The following UTP20 variants were observed in gnomAD, a reference collection of about 807,000 sequenced individuals.
The protein encoded by UTP20 is UTP20 small subunit processome component, also known as small subunit processome component 20 homolog.
Under a neutral mutation model 329.5 loss-of-function variants are expected in UTP20, and 164 were observed. The observed-to-expected ratio is 0.50, with a 90% confidence interval of 0.44 to 0.57. UTP20 has a LOEUF of 0.57. UTP20 is among the 20% of genes least tolerant of loss of function. The pLI is 0.00. For synonymous variants in UTP20, 1,151 were observed against 1,159.3 expected (o/e 0.99, Z 0.14); for missense variants, 3,055 against 3,284.2 (o/e 0.93, Z 1.71).
chr12:101,343,133 G>A, intron 35 of UTP20, 40 bp downstream of exon 35: 3 of 1,469,356 alleles, frequency 2.0e-6, no homozygotes, highest in Non-Finnish European at 2.8e-6. Context: ...ATTTTTTATT[G>A]TTTTGGTAAT....
intron 39 of UTP20, among the ~76,000 whole-genome samples, chr12:101,352,828 T>TA (rs1555201579): frequency 6.7e-6 from 1 of 150,362 alleles, no homozygotes; most frequent in South Asian, 2.1e-4. Flanking sequence ...TAAATAAATT[T>TA]AAAAAAAAGT....
intron 39 of UTP20, 39 bp from the exon 40 acceptor site, chr12:101,353,008 A>G: frequency 7.7e-7 from 1 of 1,290,634 alleles, no homozygotes; most frequent in Non-Finnish European, 1.1e-6. Context: ...TGATATTAAT[A>G]ATCAAATGAA....
At chr12:101,328,022 A>C (rs1868627613) in intron 26 of UTP20, among the ~76,000 whole-genome samples, 2 of 152,198 alleles carry the variant, frequency 1.3e-5, no homozygotes. Flanking sequence ...TTGGGATTCA[A>C]ACTCAGACCT....
In UTP20 at chr12:101,344,683, A is replaced by C; in HGVS notation, c.4538A>C (p.Asp1513Ala). The C allele has an allele frequency of 3.1e-6, 5 of 1,610,290 alleles. No individual in the cohort carries two copies. The highest frequency in any genetic ancestry group is 4.2e-6 in the Non-Finnish European group (5 of 1,176,500). The change falls in exon 36 of 62, where the codon GAC becomes GCC. Residue 1513 changes from aspartate to alanine, a missense_variant. This residue lies in a region of UTP20 where 2,445 missense variants were observed against 2,575.5 expected (regional missense o/e 0.95). Coordinates refer to ENST00000261637, the MANE Select transcript of UTP20 (RefSeq NM_014503.3). ...GCTGCCTTGAATGTCACAGAGAAAG[A>C]CTATAGAGAAATCATCCACCGTTCA... is the stretch of plus-strand genomic sequence containing the variant. Reference protein sequence around the residue: ...KLAALNVTEKDYREIIHRSLL... With the variant: ...KLAALNVTEKAYREIIHRSLL...
chr12:101,314,064 G>A (rs12314440), intron 21 of UTP20, among the ~76,000 whole-genome samples: 2,963 of 152,260 alleles, frequency 0.019, 105 homozygotes, highest in African/African-American at 0.069. Flanking sequence ...GTCATCTAGA[G>A]TGTGACTGTA....
intron 31 of UTP20, among the ~76,000 whole-genome samples, chr12:101,339,809 A>G (rs1282451122): frequency 6.6e-6 from 1 of 152,248 alleles, no homozygotes; most frequent in Non-Finnish European, 1.5e-5. Context: ...TACAAGGCTT[A>G]GTTGTTGAAA....
intron 27 of UTP20, among the ~76,000 whole-genome samples, chr12:101,332,205 T>G (rs1868781534): frequency 6.6e-6 from 1 of 151,948 alleles, no homozygotes; most frequent in African/African-American, 2.4e-5. Context: ...GGCGTGGTGG[T>G]GCATGCCTGT....
chr12:101,339,670 A>G (rs2137275534), intron 31 of UTP20, among the ~76,000 whole-genome samples: 1 of 152,292 alleles, frequency 6.6e-6, no homozygotes, highest in Middle Eastern at 3.4e-3. Flanking sequence ...TTTTGAGTCA[A>G]GATCTCACAA....
chr12:101,348,340 CTTT>C (rs1300436069), intron 38 of UTP20, among the ~76,000 whole-genome samples: 2 of 151,756 alleles, frequency 1.3e-5, no homozygotes. Context: ...CAATTTTTTT[CTTT>C]TTTTCTCTTT....
chr12:101,299,188 A>G (rs6538980), intron 12 of UTP20, among the ~76,000 whole-genome samples: 88,367 of 152,046 alleles, frequency 0.58, 28,304 homozygotes, highest in East Asian at 0.94. Context: ...TGTCATGTCG[A>G]AAAATGTCAT....
intron 29 of UTP20, among the ~76,000 whole-genome samples, chr12:101,337,767 G>A (rs1469906479): frequency 6.6e-6 from 1 of 152,012 alleles, no homozygotes; most frequent in Non-Finnish European, 1.5e-5. Context: ...CAGTGGCTTC[G>A]GACAAATCTG....
chr12:101,370,921 A>T, intron 50 of UTP20, 137 bp from the exon 51 acceptor site: 1 of 704,572 alleles, frequency 1.4e-6, no homozygotes, highest in Non-Finnish European at 2.3e-6. Flanking sequence ...CTTTGTGCTT[A>T]AGTGTCTATC....
At chr12:101,284,595 G>A (rs1295313767) in intron 2 of UTP20, among the ~76,000 whole-genome samples, 1 of 152,000 alleles carries the variant, frequency 6.6e-6, no homozygotes, top group Admixed American at 6.6e-5. Flanking sequence ...TTTTGGGGGG[G>A]TATGCATTTA....
At chr12:101,287,542 G>T (rs1266230045) in intron 5 of UTP20, among the ~76,000 whole-genome samples, 1 of 152,168 alleles carries the variant, frequency 6.6e-6, no homozygotes, top group Non-Finnish European at 1.5e-5. Flanking sequence ...ACACTTTCCT[G>T]TTAAATCAAC....
intron 2 of UTP20, among the ~76,000 whole-genome samples, chr12:101,283,156 T>C (rs955049737): frequency 6.6e-5 from 10 of 152,120 alleles, no homozygotes; most frequent in African/African-American, 2.4e-4. Flanking sequence ...AGAATATGAT[T>C]AATAATTTAA....
chr12:101,304,875 C>T (rs2137246418), intron 15 of UTP20, among the ~76,000 whole-genome samples: 1 of 152,332 alleles, frequency 6.6e-6, no homozygotes. Context: ...GTTCTGACAT[C>T]TTCAGGCACT....
In UTP20 at chr12:101,281,103, C is replaced by T. The variant is rs758767199; in HGVS notation, c.46-13C>T. On this transcript the variant is annotated splice_polypyrimidine_tract_variant and intron_variant, in intron 1 of 61. Transcript: ENST00000261637. Reference sequence around the variant, plus strand: ...TAATTAATTATGTATCTTAAATATACTTTCCCTTCCAGTTTCTTACATTTG... The same window carrying T: ...TAATTAATTATGTATCTTAAATATATTTTCCCTTCCAGTTTCTTACATTTG... 3 of 1,602,058 alleles carry T rather than the reference C, an allele frequency of 1.9e-6. No homozygotes were observed. The highest frequency in any genetic ancestry group is 3.3e-5 in the Admixed American group (2 of 59,832).
chr12:101,338,085 C>T lies in UTP20; in HGVS notation c.3676C>T (p.His1226Tyr). The T allele has an allele frequency of 1.9e-6, 3 of 1,614,166 alleles. No homozygotes were observed. The highest frequency in any genetic ancestry group is 1.7e-6 in the Non-Finnish European group (2 of 1,180,012). ...TTTGCTGGCTAAACAGAAGCCTGGGCACCCAGAATGTGATATCCTGACCAA... is the reference window on the plus strand; with the variant it reads ...TTTGCTGGCTAAACAGAAGCCTGGGTACCCAGAATGTGATATCCTGACCAA... ...FPLLAKQKPG[H>Y]PECDILTNVF... Residue 1226 changes from histidine to tyrosine, a missense_variant, in exon 30 of 62, where the codon CAC (histidine) becomes TAC (tyrosine). Around this residue, in one of 3 missense-constraint regions of UTP20, gnomAD observed 2,445 missense variants for 2,575.5 expected, o/e 0.95. Transcript: ENST00000261637.
intron 54 of UTP20, among the ~76,000 whole-genome samples, chr12:101,374,096 G>T (rs557111035): frequency 2.0e-5 from 3 of 150,634 alleles, no homozygotes; most frequent in Non-Finnish European, 4.5e-5. Flanking sequence ...TTAGCCGGGC[G>T]TAGTGGCGGG....
Sources: allele counts gnomAD v4.1 joint callset (sites outside exome capture counted in the v4.1 genomes callset), GRCh38; gene constraint gnomAD v4.1.1; regional missense constraint gnomAD v4.1.1; transcripts MANE v1.5; gene names NCBI Gene and HGNC (gene_info 2026-07-23, HGNC 2026-07-21).